Variants in ADAMTSL1 observed in about 807,000 individuals in gnomAD.
ADAMTSL1 encodes ADAMTS-like protein 1.
In ADAMTSL1, 126 loss-of-function variants were observed where a neutral mutation model predicts 201.8. That is an observed-to-expected ratio of 0.62 (90% CI 0.54 to 0.72). ADAMTSL1 has a LOEUF of 0.72. ADAMTSL1 is among the 30% of genes least tolerant of loss of function. The pLI is 0.00. For synonymous variants in ADAMTSL1, 1,121 were observed against 903.4 expected (o/e 1.24, Z -4.32); for missense variants, 2,679 against 2,277.8 (o/e 1.18, Z -3.59).
At chr9:18,082,452 C>G (rs1045079925) in intron 1 of ADAMTSL1, among the ~76,000 whole-genome samples, 5 of 152,154 alleles carry the variant, frequency 3.3e-5, no homozygotes, top group Admixed American at 2.6e-4. Flanking sequence ...GCTGGGATTA[C>G]AGGTGCCAAC....
intron 1 of ADAMTSL1, among the ~76,000 whole-genome samples, chr9:17,973,814 A>G (rs1408496406): frequency 2.0e-5 from 3 of 149,832 alleles, no homozygotes; most frequent in Non-Finnish European, 4.4e-5. Context: ...ATGTTCTTCC[A>G]TTTGTTGGTG....
At chr9:18,258,713 A>T (rs1563840412) in intron 2 of ADAMTSL1, among the ~76,000 whole-genome samples, 1 of 152,142 alleles carries the variant, frequency 6.6e-6, no homozygotes, top group Non-Finnish European at 1.5e-5. Flanking sequence ...CTGTGTGCTT[A>T]CATTGCTCTC....
intron 23 of ADAMTSL1, among the ~76,000 whole-genome samples, chr9:18,831,345 G>T (rs1824964399): frequency 6.6e-6 from 1 of 152,166 alleles, no homozygotes; most frequent in African/African-American, 2.4e-5. Context: ...AATGTGCGTT[G>T]TGAACTTCTT....
rs553262571 is a variant in ADAMTSL1, at chr9:17,909,867, A to C, written c.87+2945A>C. On this transcript the variant is annotated intron_variant, in intron 1 of 29. Transcript: ENST00000680146. ...GACCGGGGAGGGATAGCATTGGGAGATATACCTAATGCTAGATGAGGAGTT... is the reference window on the plus strand; with the variant it reads ...GACCGGGGAGGGATAGCATTGGGAGCTATACCTAATGCTAGATGAGGAGTT... 3.9e-3 allele frequency among the ~76,000 whole-genome samples: 263 copies of C among 67,774 alleles called. 63 individuals carry two copies. Among genetic ancestry groups the C allele is most frequent in the African/African-American group, 7.2e-3 (242 of 33,576 alleles). The allele number at this position is 67,774 out of a possible 152,430, so 44.5% of individuals were successfully genotyped here. A position where few individuals can be genotyped will look rare whatever the true frequency, so the allele number is the denominator to read the frequency against.
intron 3 of ADAMTSL1, among the ~76,000 whole-genome samples, chr9:18,565,182 C>G (rs1198491141): frequency 6.6e-6 from 1 of 152,100 alleles, no homozygotes; most frequent in South Asian, 2.1e-4. Context: ...TATGTCTGGA[C>G]CTGAATGAAG....
intron 4 of ADAMTSL1, among the ~76,000 whole-genome samples, chr9:18,593,184 T>C (rs1009229546): frequency 5.3e-5 from 8 of 152,162 alleles, no homozygotes; most frequent in African/African-American, 1.9e-4. Context: ...GACTTCTTTC[T>C]TTCCAATTTG....
chr9:18,027,523 T>C (rs945089771), intron 1 of ADAMTSL1, among the ~76,000 whole-genome samples: 2 of 152,044 alleles, frequency 1.3e-5, no homozygotes, highest in African/African-American at 4.8e-5. Context: ...TTGTGTGGTT[T>C]TGAGAGATTT....
rs148784837 is a variant in ADAMTSL1 at position 18,026,338 on chromosome 9, T to G, written c.87+119416T>G. Reference sequence around the variant, plus strand: ...TACCCATTCAGCATGATGTTGACTGTGGGTTTGTCATAGACGGCTCATATT... The same window carrying G: ...TACCCATTCAGCATGATGTTGACTGGGGGTTTGTCATAGACGGCTCATATT... On this transcript the variant is annotated intron_variant, in intron 1 of 29. Coordinates refer to the ADAMTSL1 transcript ENST00000680146. 3.3e-3 allele frequency among the ~76,000 whole-genome samples: 499 copies of G among 152,200 alleles called. 1 individual carries two copies. The highest frequency in any genetic ancestry group is 0.011 in the African/African-American group (467 of 41,560).
intron 2 of ADAMTSL1, among the ~76,000 whole-genome samples, chr9:18,398,029 G>A (rs917311056): frequency 6.6e-5 from 10 of 152,196 alleles, no homozygotes; most frequent in African/African-American, 1.7e-4. Flanking sequence ...ACATCAAGAT[G>A]TAATTGTCAG....
intron 2 of ADAMTSL1, among the ~76,000 whole-genome samples, chr9:18,439,244 C>A (rs1341610713): frequency 1.3e-5 from 2 of 152,124 alleles, no homozygotes; most frequent in African/African-American, 4.8e-5. Flanking sequence ...TTCATGTGTT[C>A]CAGTAAGGCA....
chr9:18,408,515 G>T (rs2805930), intron 2 of ADAMTSL1, among the ~76,000 whole-genome samples: 6 of 151,926 alleles, frequency 3.9e-5, no homozygotes, highest in Non-Finnish European at 8.8e-5. Flanking sequence ...TAAGTACCTA[G>T]TATGTGCTGG....
chr9:18,350,866 A>G (rs1374931701), intron 2 of ADAMTSL1, among the ~76,000 whole-genome samples: 1 of 152,154 alleles, frequency 6.6e-6, no homozygotes, highest in African/African-American at 2.4e-5. Context: ...ACAGACTATG[A>G]TATTCTCAAA....
At chr9:18,220,106 G>C (rs1830200573) in intron 2 of ADAMTSL1, among the ~76,000 whole-genome samples, 1 of 152,038 alleles carries the variant, frequency 6.6e-6, no homozygotes, top group Admixed American at 6.5e-5. Context: ...CTGAACATTT[G>C]TCAGGTTAAA....
intron 1 of ADAMTSL1, among the ~76,000 whole-genome samples, chr9:18,488,016 C>T (rs1254826694): frequency 6.6e-6 from 1 of 152,190 alleles, no homozygotes. Context: ...ATAGGAATGT[C>T]ACTTCAGTCT....
intron 1 of ADAMTSL1, among the ~76,000 whole-genome samples, chr9:18,030,737 C>T (rs960743732): frequency 1.3e-5 from 2 of 152,130 alleles, no homozygotes; most frequent in South Asian, 4.1e-4. Context: ...TTTTTGTGGA[C>T]TGTATACTCA....
intron 26 of ADAMTSL1, chr9:18,905,542 C>G (rs1020633440): frequency 1.9e-6 from 1 of 522,440 alleles, no homozygotes. Context: ...CTTACTGGTT[C>G]TACACTACCA....
At chr9:18,437,673 A>G (rs373507160) in intron 2 of ADAMTSL1, among the ~76,000 whole-genome samples, 1 of 152,070 alleles carries the variant, frequency 6.6e-6, no homozygotes. Context: ...ACAATACTAG[A>G]TCATATTATA....
At chr9:17,947,312 TACACAC>T (rs34840423) in intron 1 of ADAMTSL1, among the ~76,000 whole-genome samples, 2,072 of 143,368 alleles carry the variant, frequency 0.014, 43 homozygotes, top group African/African-American at 0.051. Context: ...TATACACACA[TACACAC>T]ACACACACAC....
intron 1 of ADAMTSL1, among the ~76,000 whole-genome samples, chr9:18,079,192 C>G (rs190973836): frequency 6.6e-6 from 1 of 152,140 alleles, no homozygotes; most frequent in Non-Finnish European, 1.5e-5. Context: ...CTTCTTTTCT[C>G]AAAATGTATT....
Sources: allele counts gnomAD v4.1 joint callset (sites outside exome capture counted in the v4.1 genomes callset), GRCh38; gene constraint gnomAD v4.1.1; transcripts MANE v1.5; gene names NCBI Gene and HGNC (gene_info 2026-07-23, HGNC 2026-07-21).